The following SUMF1 variants were observed in gnomAD, a reference collection of about 807,000 sequenced individuals.
SUMF1 encodes the protein sulfatase modifying factor 1.
SUMF1 carries 48 observed loss-of-function variants against 47.6 expected under a neutral mutation model. The ratio of observed to expected loss-of-function variants is 1.01; its 90% confidence interval spans 0.80 to 1.28. SUMF1 has a LOEUF of 1.28. SUMF1 is among the 50% of genes most tolerant of loss of function. SUMF1 has a pLI of 0.00. For missense variants in SUMF1, 571 were observed against 485.4 expected (o/e 1.18, Z -1.66); for synonymous variants, 230 against 192.1 (o/e 1.20, Z -1.63).
At chr3:4,274,092 C>G (rs1233003450) in intron 8 of SUMF1, among the ~76,000 whole-genome samples, 1 of 151,990 alleles carries the variant, frequency 6.6e-6, no homozygotes, top group Non-Finnish European at 1.5e-5. Flanking sequence ...TGGTAGGAGA[C>G]TGCCCAGTCA....
In SUMF1 at chr3:4,400,202, G is replaced by A. The variant is rs138981088; in HGVS notation, c.954+10663C>T. ...TGCTCAGACATGGCCTGCCAGCTGT[G>A]GATGCAACTAAGGGAGCCAAGAAAG... On this transcript the variant is annotated intron_variant, in intron 7 of 8. Coordinates refer to ENST00000272902, the MANE Select transcript of SUMF1 (RefSeq NM_182760.4). Among the ~76,000 whole-genome samples, 5 of 152,302 alleles carry A rather than the reference G, an allele frequency of 3.3e-5. No homozygotes were observed. The East Asian group carries it at 9.6e-4, about 29-fold the overall frequency.
Position 4,467,034 on chromosome 3 carries a change from G to A in SUMF1, c.212C>T (p.Ser71Leu), listed in dbSNP as rs375739887. 624 of 1,577,824 alleles carry A rather than the reference G, an allele frequency of 4.0e-4. No homozygotes were observed. Among genetic ancestry groups the A allele is most frequent in the Non-Finnish European group, 5.0e-4 (578 of 1,163,306 alleles). The change falls in exon 1 of 9, where the codon TCG (serine) becomes TTG (leucine). Residue 71 changes from serine (S) to leucine (L), a missense_variant. Physicochemically the swap from Ser to Leu is moderately radical, Grantham distance 145 (BLOSUM62 -2). Coordinates refer to ENST00000272902, the MANE Select transcript of SUMF1 (RefSeq NM_182760.4). ...GGGGCCCGGAGCGTTAGCCTCCCGC[G>A]AGTATCGGTGAGCGGCTGCCGAACT... ...HGSSAAAHRY[S>L]REANAPGPVP...
chr3:4,377,832 A>G (rs936896922), intron 7 of SUMF1, among the ~76,000 whole-genome samples: 1 of 152,174 alleles, frequency 6.6e-6, no homozygotes, highest in Non-Finnish European at 1.5e-5. Flanking sequence ...CAAAAAGACA[A>G]TTAATCACAC....
chr3:4,291,394 C>G (rs893607780), intron 8 of SUMF1, among the ~76,000 whole-genome samples: 3 of 152,044 alleles, frequency 2.0e-5, no homozygotes, highest in African/African-American at 7.2e-5. Context: ...GCTCTCTCTC[C>G]TTGTCTCCTG....
intron 8 of SUMF1, among the ~76,000 whole-genome samples, chr3:4,295,008 C>T (rs931816747): frequency 1.3e-5 from 2 of 152,132 alleles, no homozygotes; most frequent in Non-Finnish European, 2.9e-5. Flanking sequence ...GAGCTTTTTC[C>T]TCTGTGGAAT....
chr3:4,251,541 T>A (rs572178306), intron 8 of SUMF1, among the ~76,000 whole-genome samples: 1 of 152,336 alleles, frequency 6.6e-6, no homozygotes, highest in South Asian at 2.1e-4. Flanking sequence ...CAGAGAAATC[T>A]TTTCTGAAAG....
chr3:4,218,150 C>A (rs1386150058), intron 8 of SUMF1, among the ~76,000 whole-genome samples: 4 of 151,722 alleles, frequency 2.6e-5, no homozygotes. Context: ...CGGGTGAAGA[C>A]ACTGGAAGAA....
intron 8 of SUMF1, among the ~76,000 whole-genome samples, chr3:4,260,532 T>TG (rs1338165967): frequency 6.6e-6 from 1 of 152,184 alleles, no homozygotes; most frequent in African/African-American, 2.4e-5. Flanking sequence ...TATCAGAGAT[T>TG]GGGATAAACC....
At chr3:4,044,202 A>T (rs1327525424) in intron 9 of SUMF1, among the ~76,000 whole-genome samples, 1 of 152,186 alleles carries the variant, frequency 6.6e-6, no homozygotes, top group Non-Finnish European at 1.5e-5. Flanking sequence ...AAAGCACCCA[A>T]GAGCTGACAT....
intron 8 of SUMF1, among the ~76,000 whole-genome samples, chr3:4,136,876 C>T (rs1257050303): frequency 2.0e-5 from 3 of 152,068 alleles, no homozygotes; most frequent in Admixed American, 6.6e-5. Flanking sequence ...AAAAAATGCT[C>T]ATCATCACTG....
At position 4,303,624 on chromosome 3, in the gene SUMF1, T is replaced by C. The variant is rs1188710474; in HGVS notation, c.1014+72706A>G. 6.5e-6 allele frequency: 9 copies of C among 1,389,142 alleles called. No individual in the cohort carries two copies. The East Asian group carries it at 2.5e-4, about 38-fold the overall frequency. 86.1% of individuals were successfully genotyped at this position (1,389,142 alleles called of 1,614,324 possible). A position where few individuals can be genotyped will look rare whatever the true frequency, so the allele number is the denominator to read the frequency against. On this transcript the variant is annotated intron_variant and NMD_transcript_variant, in intron 8 of 12. Coordinates refer to the SUMF1 transcript ENST00000448413. ...TGGGACGGCCTCCCAGTCGCGACCT[T>C]TTGTCTTCTCTTACAGCGCACCCGT...
chr3:4,340,502 A>G (rs1699249769), intron 8 of SUMF1, among the ~76,000 whole-genome samples: 1 of 152,184 alleles, frequency 6.6e-6, no homozygotes, highest in South Asian at 2.1e-4. Context: ...GTATATTTCA[A>G]AAAGATCACT....
At chr3:4,165,940 A>G (rs1351118508) in intron 8 of SUMF1, among the ~76,000 whole-genome samples, 1 of 146,696 alleles carries the variant, frequency 6.8e-6, no homozygotes, top group African/African-American at 2.5e-5. Context: ...CTGATGCAGT[A>G]GCAGATCCCC....
chr3:4,419,271 C>T (rs1025754813), intron 4 of SUMF1, among the ~76,000 whole-genome samples: 4 of 152,172 alleles, frequency 2.6e-5, no homozygotes, highest in Admixed American at 2.0e-4. Context: ...TGCAGCACAG[C>T]GGCTTCCAAT....
chr3:4,137,389 G>A lies in SUMF1; in HGVS notation c.1015-68644C>T, dbSNP rs545326036. On this transcript the variant is annotated intron_variant and NMD_transcript_variant, in intron 8 of 12. Transcript: ENST00000448413. ...TTGCAAGAACAAAAAACCAAACACC[G>A]CATGTTCTCACTCATAGGTGGGAAT... is the stretch of plus-strand genomic sequence containing the variant. 4.7e-5 allele frequency among the ~76,000 whole-genome samples: 7 copies of A among 148,814 alleles called. No individual in the cohort carries two copies. The East Asian group carries it at 6.0e-4, about 13-fold the overall frequency.
intron 3 of SUMF1, among the ~76,000 whole-genome samples, chr3:4,448,577 A>G (rs934624258): frequency 2.0e-5 from 3 of 152,144 alleles, no homozygotes; most frequent in African/African-American, 7.2e-5. Flanking sequence ...TATTTTCAAG[A>G]GACATGTAAG....
At chr3:4,092,803 C>A (rs1439361178) in intron 8 of SUMF1, among the ~76,000 whole-genome samples, 1 of 152,022 alleles carries the variant, frequency 6.6e-6, no homozygotes. Context: ...GCATGTGAAA[C>A]ATTCATGCTA....
intron 8 of SUMF1, among the ~76,000 whole-genome samples, chr3:4,224,811 C>G (rs1393092145): frequency 2.0e-5 from 3 of 152,030 alleles, no homozygotes; most frequent in Non-Finnish European, 1.5e-5. Context: ...TGAAAACAAT[C>G]AGACAAGCAG....
intron 9 of SUMF1, among the ~76,000 whole-genome samples, chr3:4,061,451 T>G (rs1028593344): frequency 6.6e-6 from 1 of 152,108 alleles, no homozygotes; most frequent in African/African-American, 2.4e-5. Context: ...CTCATTAACT[T>G]ATGTTTTTCT....
Sources: allele counts gnomAD v4.1 joint callset (sites outside exome capture counted in the v4.1 genomes callset), GRCh38; gene constraint gnomAD v4.1.1; transcripts MANE v1.5; gene names NCBI Gene and HGNC (gene_info 2026-07-23, HGNC 2026-07-21).